RDH13: variants seen among roughly 807,000 people sequenced by gnomAD.
The protein encoded by RDH13 is retinol dehydrogenase 13 (all-trans and 9-cis).
Under a neutral mutation model 28.3 loss-of-function variants are expected in RDH13, and 35 were observed. That is an observed-to-expected ratio of 1.24 (90% CI 0.95 to 1.64). The LOEUF (loss-of-function observed/expected upper bound fraction) is 1.64, where lower values mean the gene tolerates loss of function less well. RDH13 is among the 40% of genes most tolerant of loss of function. RDH13 has a pLI of 0.00. For synonymous variants in RDH13, 229 were observed against 198.5 expected (o/e 1.15, Z -1.29); for missense variants, 514 against 446.3 (o/e 1.15, Z -1.37).
At chr19:55,057,419 G>A (rs2075671390) in intron 2 of RDH13, among the ~76,000 whole-genome samples, 2 of 145,928 alleles carry the variant, frequency 1.4e-5, no homozygotes, top group African/African-American at 5.1e-5. Context: ...AAGGCAAGAG[G>A]ATTCCCCATC....
chr19:55,057,814 T>A (rs1238741252), intron 2 of RDH13, among the ~76,000 whole-genome samples: 1 of 18,366 alleles, frequency 5.4e-5, no homozygotes, highest in African/African-American at 1.8e-4. Context: ...TTTATTATTA[T>A]TTTTTTTTTT....
chr19:55,059,035 T>C (rs2075726758), intron 2 of RDH13, 122 bp downstream of exon 2: 5 of 672,284 alleles, frequency 7.4e-6, no homozygotes, highest in Non-Finnish European at 1.3e-5. Context: ...AGCCACATTC[T>C]GTTTCCCTGT....
At chr19:55,058,209 C>G (rs143615214) in intron 2 of RDH13, among the ~76,000 whole-genome samples, 11,020 of 151,796 alleles carry the variant, frequency 0.073, 513 homozygotes, top group Non-Finnish European at 0.1. Context: ...GTCAGGAGTT[C>G]AAGACCAGCC....
rs775639137 is a variant in RDH13 at position 55,056,651 on chromosome 19, A to C, written c.340+2T>G. On this transcript the variant is annotated splice_donor_variant, in intron 3 of 6. Coordinates refer to ENST00000415061, the MANE Select transcript of RDH13 (RefSeq NM_001145971.2). LOFTEE classifies it high-confidence loss of function. ...CATCCCACATGGCCAGCGTTCTCCT[A>C]CCTTCAATGATCTTTGCTGCAAACT... 6.2e-7 allele frequency: 1 copy of C among 1,613,774 alleles called. No homozygotes were observed. The highest frequency in any genetic ancestry group is 8.5e-7 in the Non-Finnish European group (1 of 1,179,948).
At chr19:55,054,950 C>T (rs1163959923) in intron 3 of RDH13, among the ~76,000 whole-genome samples, 1 of 152,054 alleles carries the variant, frequency 6.6e-6, no homozygotes, top group African/African-American at 2.4e-5. Context: ...ATAATATATA[C>T]AAGTATACAT....
At chr19:55,051,328 G>A (rs1392036315) in intron 3 of RDH13, among the ~76,000 whole-genome samples, 1 of 152,250 alleles carries the variant, frequency 6.6e-6, no homozygotes, top group Non-Finnish European at 1.5e-5. Context: ...CAGGCAGCAG[G>A]CGCAGCACGG....
intron 1 of RDH13, 22 bp from the exon 2 acceptor site, chr19:55,059,297 G>A: frequency 6.6e-7 from 1 of 1,510,702 alleles, no homozygotes. Flanking sequence ...AAGCGGCACG[G>A]TCAGTCCTGT....
chr19:55,050,861 G>A (rs2075405476), intron 3 of RDH13: 1 of 151,988 alleles, frequency 6.6e-6, no homozygotes, highest in African/African-American at 2.4e-5. Flanking sequence ...CTGGTTCTCT[G>A]TGTGAGAAGG....
At chr19:55,056,909 A>G (rs1462917225) in intron 2 of RDH13, 101 bp from the exon 3 acceptor site, 4 of 1,022,924 alleles carry the variant, frequency 3.9e-6, no homozygotes, top group Non-Finnish European at 4.3e-6. Flanking sequence ...CACATCCACC[A>G]ATGTTCACTG....
intron 3 of RDH13, among the ~76,000 whole-genome samples, chr19:55,056,166 CAAACA>C (rs969560774): frequency 1.3e-5 from 2 of 151,398 alleles, no homozygotes; most frequent in East Asian, 2.0e-4. Flanking sequence ...TCAAAACAAA[CAAACA>C]AAACAAAGTC....
intron 3 of RDH13, among the ~76,000 whole-genome samples, chr19:55,051,551 C>T (rs1476801030): frequency 2.6e-5 from 4 of 151,940 alleles, no homozygotes; most frequent in South Asian, 4.2e-4. Flanking sequence ...CTGCCTCAGC[C>T]TCCCGAGTAC....
At chr19:55,056,201 C>A (rs777815663) in intron 3 of RDH13, among the ~76,000 whole-genome samples, 2 of 152,004 alleles carry the variant, frequency 1.3e-5, no homozygotes, top group African/African-American at 4.8e-5. Context: ...CAGTGGCCCA[C>A]GCCTGTAATC....
intron 6 of RDH13, chr19:55,047,102 T>TA (rs1859449868): frequency 7.5e-7 from 1 of 1,335,602 alleles, no homozygotes. Context: ...AAGCTGGAGT[T>TA]ACCCTGAGTA....
rs1423756679 is a variant in RDH13 at position 55,053,244 on chromosome 19, G to A, written c.340+3409C>T. ...GGTAGAATACACACCACATAAAATG[G>A]ACGATCTTCACTATTTTTAAATCCA... On this transcript the variant is annotated intron_variant, in intron 3 of 6. Transcript: ENST00000415061. Among the ~76,000 whole-genome samples, 12 of 152,302 alleles carry A rather than the reference G, an allele frequency of 7.9e-5. No individual in the cohort carries two copies. In the East Asian group the frequency reaches 2.1e-3, roughly 27 times the overall value.
chr19:55,047,788 C>T (rs1231522838), intron 5 of RDH13, among the ~76,000 whole-genome samples: 1 of 152,198 alleles, frequency 6.6e-6, no homozygotes, highest in Non-Finnish European at 1.5e-5. Context: ...CTCTGACCAG[C>T]TCCCAGTGGG....
intron 3 of RDH13, among the ~76,000 whole-genome samples, chr19:55,055,805 A>T (rs564465631): frequency 6.6e-6 from 1 of 150,906 alleles, no homozygotes; most frequent in African/African-American, 2.5e-5. Flanking sequence ...GTGAGCCATG[A>T]CTGCACCACT....
upstream of RDH13, among the ~76,000 whole-genome samples, chr19:55,065,705 A>G (rs1372897252): frequency 6.6e-6 from 1 of 151,712 alleles, no homozygotes; most frequent in Non-Finnish European, 1.5e-5. Flanking sequence ...ATTTATAAAA[A>G]TAAGCAGTGC....
At chr19:55,041,932 C>T (rs906528356), downstream of RDH13, 1 of 152,126 alleles carries the variant, frequency 6.6e-6, no homozygotes, top group African/African-American at 2.4e-5. Context: ...TTAGTTTGTC[C>T]TTTGACTTTC....
intron 5 of RDH13, chr19:55,047,925 G>T: frequency 1.6e-6 from 1 of 636,892 alleles, no homozygotes; most frequent in Non-Finnish European, 2.5e-6. Context: ...GTAGGACATT[G>T]AGAGCATCTG....
Sources: allele counts gnomAD v4.1 joint callset (sites outside exome capture counted in the v4.1 genomes callset), GRCh38; gene constraint gnomAD v4.1.1; transcripts MANE v1.5; gene names NCBI Gene and HGNC (gene_info 2026-07-23, HGNC 2026-07-21).